PTK2: variants seen among roughly 807,000 people sequenced by gnomAD.
PTK2 encodes the protein focal adhesion kinase 1.
Under a neutral mutation model 150.1 loss-of-function variants are expected in PTK2, and 45 were observed. The ratio of observed to expected loss-of-function variants is 0.30; its 90% CI spans 0.24 to 0.38. The LOEUF (loss-of-function observed/expected upper bound fraction) is 0.38, where lower values mean the gene tolerates loss of function less well. Ranked by LOEUF, PTK2 falls within the 10% of genes least tolerant of loss-of-function variation. The probability of loss-of-function intolerance (pLI) is 1.00; values close to 1 mark genes in which losing one functional copy is unlikely to be tolerated. For synonymous variants in PTK2, 432 were observed against 449.2 expected, an observed-to-expected ratio of 0.96 and a Z score of 0.48; for missense variants, 919 against 1,307.3, an observed-to-expected ratio of 0.70 and a Z score of 4.58.
At chr8:140,902,939 T>TTG (rs2100159253) in intron 2 of PTK2, among the ~76,000 whole-genome samples, 1 of 139,496 alleles carries the variant, frequency 7.2e-6, no homozygotes. Context: ...TTTTTTTTTT[T>TTG]TTTTTTTTTT....
chr8:140,931,212 A>T (rs2100171644), intron 1 of PTK2, among the ~76,000 whole-genome samples: 1 of 152,140 alleles, frequency 6.6e-6, no homozygotes, highest in Admixed American at 6.5e-5. Flanking sequence ...AGATAGAATC[A>T]CTGTTCCTAA....
chr8:140,884,463 ATTG>A (rs777775173), intron 3 of PTK2, among the ~76,000 whole-genome samples: 2 of 151,816 alleles, frequency 1.3e-5, no homozygotes, highest in South Asian at 2.1e-4. Flanking sequence ...TGTTCAATTG[ATTG>A]TTATTAATAA....
chr8:140,859,191 T>C (rs150081830), intron 5 of PTK2, among the ~76,000 whole-genome samples: 91 of 152,260 alleles, frequency 6.0e-4, no homozygotes, highest in Non-Finnish European at 1.1e-3. Flanking sequence ...AATAAAAACA[T>C]GTTGTAAAGC....
intron 1 of PTK2, chr8:140,983,827 T>G (rs1375537839): frequency 2.0e-5 from 3 of 152,176 alleles, no homozygotes; most frequent in Non-Finnish European, 4.4e-5. Context: ...AACATTTACT[T>G]TTAATAACTG....
intron 4 of PTK2, among the ~76,000 whole-genome samples, chr8:140,870,637 C>T (rs2100141952): frequency 6.6e-6 from 1 of 152,098 alleles, no homozygotes; most frequent in Non-Finnish European, 1.5e-5. Flanking sequence ...AGCAACACAG[C>T]TTCCTTAACA....
At chr8:140,873,417 A>G (rs1266865999) in intron 4 of PTK2, among the ~76,000 whole-genome samples, 1 of 152,132 alleles carries the variant, frequency 6.6e-6, no homozygotes, top group African/African-American at 2.4e-5. Flanking sequence ...CTCTTTTATG[A>G]TAACATCTTC....
At chr8:140,969,952 G>A (rs994885648) in intron 1 of PTK2, among the ~76,000 whole-genome samples, 3 of 152,228 alleles carry the variant, frequency 2.0e-5, no homozygotes, top group African/African-American at 7.2e-5. Flanking sequence ...TGCAAGACTG[G>A]TAAGATAAAA....
intron 27 of PTK2, among the ~76,000 whole-genome samples, chr8:140,676,864 G>C (rs962687117): frequency 1.3e-5 from 2 of 148,644 alleles, no homozygotes; most frequent in Non-Finnish European, 3.0e-5. Context: ...GCTTGAACCT[G>C]GTGGGGGCGG....
chr8:140,853,915 G>A (rs1188199170), intron 5 of PTK2, among the ~76,000 whole-genome samples: 1 of 152,064 alleles, frequency 6.6e-6, no homozygotes, highest in African/African-American at 2.4e-5. Flanking sequence ...GTATCTTAAC[G>A]ACAGCTTTAA....
chr8:140,879,703 CAAAACAAAACA>C lies in PTK2; in HGVS notation c.196-77_196-67del, dbSNP rs1468000119. 512 of 794,924 alleles carry C rather than the reference CAAAACAAAACA, an allele frequency of 6.4e-4. No homozygotes were observed. In the African/African-American group the frequency reaches 6.9e-3, roughly 11 times the overall value. 49.2% of individuals were successfully genotyped at this position (794,924 alleles called of 1,614,324 possible). On this transcript the variant is annotated intron_variant, in intron 3 of 31. Transcript: ENST00000522684. ...AAAAAAAAAAAAAAAAAAAAAAAAC[CAAAACAAAACA>C]AAAACAAAACAAAAAAAAAACTATA...
intron 7 of PTK2, among the ~76,000 whole-genome samples, chr8:140,835,557 T>C (rs984800713): frequency 2.0e-5 from 3 of 152,196 alleles, no homozygotes; most frequent in Non-Finnish European, 4.4e-5. Context: ...ATTATCTAAC[T>C]GCAACAGAGA....
chr8:140,787,253 A>G (rs1287157676), intron 14 of PTK2, among the ~76,000 whole-genome samples: 3 of 152,198 alleles, frequency 2.0e-5, no homozygotes. Context: ...TAGAGTTTGA[A>G]TAATGACTCC....
At chr8:140,804,192 G>T (rs575290305) in intron 10 of PTK2, among the ~76,000 whole-genome samples, 2 of 151,396 alleles carry the variant, frequency 1.3e-5, no homozygotes, top group South Asian at 4.2e-4. Flanking sequence ...GAGAGTCTAT[G>T]GTCATTTTCC....
intron 2 of PTK2, among the ~76,000 whole-genome samples, chr8:140,916,057 T>C (rs2100165146): frequency 6.6e-6 from 1 of 152,094 alleles, no homozygotes; most frequent in South Asian, 2.1e-4. Flanking sequence ...AAAAGTTTAA[T>C]ACCCACTGCC....
At chr8:140,764,701 G>A (rs1334117353) in intron 14 of PTK2, among the ~76,000 whole-genome samples, 5 of 152,168 alleles carry the variant, frequency 3.3e-5, no homozygotes, top group Non-Finnish European at 7.4e-5. Context: ...CACGGTATCT[G>A]ATTTTATTAA....
intron 23 of PTK2, among the ~76,000 whole-genome samples, chr8:140,714,822 A>AAAAAAAAC (rs2100038734): frequency 1.3e-5 from 2 of 148,588 alleles, no homozygotes; most frequent in Non-Finnish European, 3.0e-5. Context: ...AAAAAAAAAA[A>AAAAAAAAC]TCTAAGTAAG....
chr8:140,683,203 A>G (rs2153639313), intron 27 of PTK2, among the ~76,000 whole-genome samples: 1 of 152,358 alleles, frequency 6.6e-6, no homozygotes, highest in South Asian at 2.1e-4. Context: ...ACATAGAACT[A>G]TCATAGAACA....
chr8:140,709,554 AGCTCT>A (rs2100035636), intron 23 of PTK2, among the ~76,000 whole-genome samples: 1 of 152,204 alleles, frequency 6.6e-6, no homozygotes, highest in Non-Finnish European at 1.5e-5. Context: ...AGGGTGCTTC[AGCTCT>A]CTGTGTCTCC....
chr8:140,904,057 G>A (rs10110385), intron 2 of PTK2, among the ~76,000 whole-genome samples: 1 of 152,156 alleles, frequency 6.6e-6, no homozygotes, highest in Admixed American at 6.5e-5. Flanking sequence ...AGTGGTGAGA[G>A]ACGGCATCCT....
Sources: allele counts gnomAD v4.1 joint callset (sites outside exome capture counted in the v4.1 genomes callset), GRCh38; gene constraint gnomAD v4.1.1; transcripts MANE v1.5; gene names NCBI Gene and HGNC (gene_info 2026-07-23, HGNC 2026-07-21).